The following WDFY3 variants were observed in gnomAD, a reference collection of about 807,000 sequenced individuals.
WDFY3 encodes WD repeat and FYVE domain containing 3, also known as WD repeat and FYVE domain-containing protein 3.
Under a neutral mutation model 409.6 loss-of-function variants are expected in WDFY3, and 66 were observed. The observed-to-expected ratio is 0.16, with a 90% CI of 0.13 to 0.20. The LOEUF (loss-of-function observed/expected upper bound fraction) is 0.20, where lower values mean the gene tolerates loss of function less well. WDFY3 is among the 10% of genes least tolerant of loss of function. The probability of loss-of-function intolerance (pLI) is 1.00; values close to 1 mark genes in which losing one functional copy is unlikely to be tolerated. For missense variants in WDFY3, 3,031 were observed against 4,298.1 expected (o/e 0.71, Z 8.24); for synonymous variants, 1,521 against 1,537.1 (o/e 0.99, Z 0.25).
intron 51 of WDFY3, among the ~76,000 whole-genome samples, chr4:84,710,321 G>GTA (rs1385390746): frequency 1.3e-5 from 2 of 152,124 alleles, no homozygotes; most frequent in Non-Finnish European, 2.9e-5. Context: ...TATGAATATT[G>GTA]TATAACAGGA....
chr4:84,718,796 G>A (rs556771181), intron 47 of WDFY3, among the ~76,000 whole-genome samples: 102 of 152,202 alleles, frequency 6.7e-4, no homozygotes, highest in African/African-American at 2.3e-3. Context: ...TCAATATTCC[G>A]GGTGTACTTT....
chr4:84,937,317 G>A (rs1338371735), intron 1 of WDFY3, among the ~76,000 whole-genome samples: 1 of 151,984 alleles, frequency 6.6e-6, no homozygotes, highest in Non-Finnish European at 1.5e-5. Flanking sequence ...CAACTCTATT[G>A]GTTTCATCCT....
chr4:84,753,688 C>G lies in WDFY3; in HGVS notation c.5739+9G>C, dbSNP rs200277889. The G allele has an allele frequency of 1.3e-5, 20 of 1,552,092 alleles. No individual in the cohort carries two copies. In the Admixed American group the frequency reaches 2.1e-4, roughly 16 times the overall value. On this transcript the variant is annotated intron_variant, in intron 35 of 67. Transcript: ENST00000295888. ...TTCCAGTTCTGACATTTTCCTCCCC[C>G]TTTCCTACCATCTCTGAGTAAGGGC...
chr4:84,698,040 CCA>C (rs936157707), intron 56 of WDFY3, among the ~76,000 whole-genome samples: 23 of 152,230 alleles, frequency 1.5e-4, no homozygotes, highest in Non-Finnish European at 1.0e-4. Context: ...TCCTCCTCAA[CCA>C]CACACACTGC....
At chr4:84,826,063 G>A (rs1754822853) in intron 10 of WDFY3, among the ~76,000 whole-genome samples, 1 of 152,018 alleles carries the variant, frequency 6.6e-6, no homozygotes, top group Admixed American at 6.6e-5. Flanking sequence ...ATTTTGCTTA[G>A]TTTTAAATAA....
intron 13 of WDFY3, among the ~76,000 whole-genome samples, chr4:84,812,128 C>T (rs1043038084): frequency 6.6e-6 from 1 of 152,106 alleles, no homozygotes; most frequent in African/African-American, 2.4e-5. Context: ...TCATTGTTCA[C>T]ACCTATTCCT....
chr4:84,910,627 T>A (rs1286848574), intron 2 of WDFY3, among the ~76,000 whole-genome samples: 1 of 152,022 alleles, frequency 6.6e-6, no homozygotes, highest in Non-Finnish European at 1.5e-5. Flanking sequence ...AAAATTAACA[T>A]AAAATGGGTC....
intron 50 of WDFY3, among the ~76,000 whole-genome samples, chr4:84,714,383 T>C (rs1366636108): frequency 1.3e-5 from 2 of 152,180 alleles, no homozygotes; most frequent in African/African-American, 4.8e-5. Context: ...GTGCTAAGAA[T>C]ATGAGCGTGA....
chr4:84,736,953 C>G (rs1737545332), intron 41 of WDFY3, among the ~76,000 whole-genome samples: 2 of 147,906 alleles, frequency 1.4e-5, no homozygotes, highest in Admixed American at 1.4e-4. Context: ...GCATTACATT[C>G]TGAATGCATA....
At chr4:84,873,157 A>G (rs1332842480) in intron 3 of WDFY3, among the ~76,000 whole-genome samples, 1 of 152,240 alleles carries the variant, frequency 6.6e-6, no homozygotes, top group African/African-American at 2.4e-5. Flanking sequence ...TTACCTGAAC[A>G]GCACTGTCAT....
rs371430227 is a variant in WDFY3 at position 84,773,035 on chromosome 4, CT to C, written c.4755-107del. 0.068 allele frequency: 38,617 copies of C among 567,836 alleles called. 55 individuals are homozygous for C. The highest frequency in any genetic ancestry group is 0.088 in the Middle Eastern group (155 of 1,762). The allele number at this position is 567,836 out of a possible 1,614,324, so 35.2% of individuals were successfully genotyped here. On this transcript the variant is annotated intron_variant, in intron 29 of 67. Transcript: ENST00000295888. Reference sequence around the variant, plus strand: ...ACAAAGAATAAAAACCAAAACAGTACTTTTTTTTTTTTTCATAATCTCATTT... The same window carrying C: ...ACAAAGAATAAAAACCAAAACAGTACTTTTTTTTTTTTCATAATCTCATTT...
At chr4:84,719,081 G>GT (rs1179572385) in intron 47 of WDFY3, among the ~76,000 whole-genome samples, 2 of 152,058 alleles carry the variant, frequency 1.3e-5, no homozygotes, top group African/African-American at 4.8e-5. Flanking sequence ...GTCTTTTTTT[G>GT]TAAGTTTCTA....
intron 3 of WDFY3, among the ~76,000 whole-genome samples, chr4:84,863,055 G>A (rs1013667503): frequency 6.6e-6 from 1 of 152,160 alleles, no homozygotes; most frequent in East Asian, 1.9e-4. Context: ...TTATAAGGAC[G>A]AATAATATTC....
At chr4:84,797,557 C>CTTAT (rs71670883) in intron 18 of WDFY3, among the ~76,000 whole-genome samples, 16,943 of 145,612 alleles carry the variant, frequency 0.12, 1,129 homozygotes, top group African/African-American at 0.17. Context: ...CAACTCAATT[C>CTTAT]TTATTTATTT....
At chr4:84,763,530 C>T (rs1435357921) in intron 32 of WDFY3, among the ~76,000 whole-genome samples, 1 of 150,638 alleles carries the variant, frequency 6.6e-6, no homozygotes, top group Non-Finnish European at 1.5e-5. Flanking sequence ...ACATGTATCC[C>T]AGAAATTAAA....
intron 4 of WDFY3, among the ~76,000 whole-genome samples, chr4:84,852,746 C>T (rs1759199375): frequency 6.6e-6 from 1 of 151,834 alleles, no homozygotes; most frequent in Admixed American, 6.6e-5. Context: ...TCTATGTTAC[C>T]TGTTAAATAA....
At chr4:84,908,068 T>C (rs1767285587) in intron 2 of WDFY3, among the ~76,000 whole-genome samples, 1 of 152,038 alleles carries the variant, frequency 6.6e-6, no homozygotes, top group African/African-American at 2.4e-5. Context: ...AGTTGGATAA[T>C]GAAAGGATGC....
At position 84,670,513 on chromosome 4, in the gene WDFY3, G is replaced by GT. The variant is rs1379900249; in HGVS notation, c.*2354dup. 1 of 152,690 alleles carries GT rather than the reference G, an allele frequency of 6.5e-6. No individual in the cohort carries two copies. The highest frequency in any genetic ancestry group is 1.5e-5 in the Non-Finnish European group (1 of 68,056). The allele number at this position is 152,690 out of a possible 1,614,324, so 9.5% of individuals were successfully genotyped here. ...TGCCAGAGGAAATACTACCATGAGG[G>GT]TTTTGGTTTCCACCTTCTAGTTATG... On this transcript the variant is annotated 3_prime_UTR_variant, in exon 68 of 68. Transcript: ENST00000295888.
At position 84,787,627 on chromosome 4, in the gene WDFY3, T is replaced by A; in HGVS notation, c.3756A>T (p.Pro1252=). 1 of 1,614,152 alleles carries A rather than the reference T, an allele frequency of 6.2e-7. No homozygotes were observed. Among genetic ancestry groups the A allele is most frequent in the Non-Finnish European group, 8.5e-7 (1 of 1,180,036 alleles). The change falls in exon 23 of 68, where the codon CCA becomes CCT. Residue 1252 remains proline, a synonymous_variant. Transcript: ENST00000295888. ...VSTVYAYIGT[P]PAQRQIASLV... is the part of the protein sequence containing the mutation. ...ATGAGGCAATTTGGCGTTGGGCAGG[T>A]GGAGTACCAATGTAGGCATAGACCG...
Sources: gnomAD v4.1 joint callset for allele counts (sites outside exome capture counted in the v4.1 genomes callset) on GRCh38, gnomAD v4.1.1 for gene constraint, MANE v1.5 for transcripts, NCBI Gene and HGNC (gene_info 2026-07-23, HGNC 2026-07-21) for gene names.